The following SEPTIN7 variants were observed in gnomAD, a reference collection of about 807,000 sequenced individuals.
SEPTIN7 encodes the protein septin-7.
Under a neutral mutation model 63.3 loss-of-function variants are expected in SEPTIN7, and 10 were observed. That is an observed-to-expected ratio of 0.16 (90% CI 0.10 to 0.27). The LOEUF (loss-of-function observed/expected upper bound fraction) is 0.27, where lower values mean the gene tolerates loss of function less well. Among genes scored for constraint, SEPTIN7 ranks in the 10% least tolerant of loss-of-function variants. SEPTIN7 has a pLI of 1.00. For synonymous variants in SEPTIN7, 131 were observed against 165.3 expected (o/e 0.79, Z 1.59); for missense variants, 310 against 521.0 (o/e 0.59, Z 3.94).
At chr7:35,911,505 C>G (rs1412694607), downstream of SEPTIN7, among the ~76,000 whole-genome samples, 1 of 152,168 alleles carries the variant, frequency 6.6e-6, no homozygotes, top group African/African-American at 2.4e-5. Context: ...AGATGCTGCA[C>G]AATGATTCCT....
intron 7 of SEPTIN7, among the ~76,000 whole-genome samples, chr7:35,880,224 T>C (rs1473349098): frequency 2.3e-5 from 1 of 43,908 alleles, no homozygotes; most frequent in East Asian, 6.3e-4. Context: ...TTTTCTTTTC[T>C]TTTTTTTTTT....
intron 4 of SEPTIN7, among the ~76,000 whole-genome samples, chr7:35,869,941 C>T (rs928415281): frequency 2.0e-5 from 3 of 152,120 alleles, no homozygotes; most frequent in African/African-American, 7.2e-5. Context: ...GTTGATGTGA[C>T]CTGCTTAAGG....
chr7:35,877,479 T>G (rs563722084), intron 6 of SEPTIN7, among the ~76,000 whole-genome samples: 88 of 152,352 alleles, frequency 5.8e-4, no homozygotes, highest in African/African-American at 1.9e-3. Flanking sequence ...TTCTTTATTT[T>G]AAAATGTCAG....
intron 3 of SEPTIN7, among the ~76,000 whole-genome samples, chr7:35,854,956 A>G (rs2116084670): frequency 6.6e-6 from 1 of 152,258 alleles, no homozygotes; most frequent in Middle Eastern, 3.4e-3. Context: ...AGAAAAGCTT[A>G]TAAAATATAC....
intron 8 of SEPTIN7, among the ~76,000 whole-genome samples, 169 bp from the exon 9 acceptor site, chr7:35,883,722 T>A (rs1381223337): frequency 2.6e-5 from 4 of 152,072 alleles, no homozygotes; most frequent in African/African-American, 9.7e-5. Flanking sequence ...TACCATGTGA[T>A]GGCAGTTTAC....
At chr7:35,844,696 G>T (rs1223382144) in intron 3 of SEPTIN7, among the ~76,000 whole-genome samples, 1 of 152,038 alleles carries the variant, frequency 6.6e-6, no homozygotes, top group African/African-American at 2.4e-5. Context: ...GTTCCCCTGG[G>T]TTCAAGCAGT....
chr7:35,809,207 A>G (rs889080080), intron 1 of SEPTIN7, among the ~76,000 whole-genome samples: 1 of 152,220 alleles, frequency 6.6e-6, no homozygotes, highest in African/African-American at 2.4e-5. Flanking sequence ...AAATAGAGGC[A>G]TGGTGATTAA....
chr7:35,862,458 T>A (rs1204795260), intron 3 of SEPTIN7, among the ~76,000 whole-genome samples: 1 of 152,202 alleles, frequency 6.6e-6, no homozygotes, highest in Non-Finnish European at 1.5e-5. Context: ...TCTGATAACA[T>A]CCAAATGCTT....
intron 2 of SEPTIN7, 80 bp from the exon 3 acceptor site, chr7:35,832,718 G>T: frequency 1.2e-6 from 1 of 811,832 alleles, no homozygotes. Context: ...TTCTAAAATA[G>T]GTTAATGAAG....
intron 1 of SEPTIN7, among the ~76,000 whole-genome samples, chr7:35,809,450 T>G (rs1223760078): frequency 6.6e-6 from 1 of 152,240 alleles, no homozygotes; most frequent in Non-Finnish European, 1.5e-5. Flanking sequence ...GCAGTTGACT[T>G]TATGTTCTGC....
chr7:35,815,994 C>A (rs1284310017), intron 1 of SEPTIN7, among the ~76,000 whole-genome samples: 1 of 151,936 alleles, frequency 6.6e-6, no homozygotes, highest in African/African-American at 2.4e-5. Flanking sequence ...TTTTTTTGCG[C>A]ATATGAGAAG....
At chr7:35,877,301 C>A (rs1228107971) in intron 6 of SEPTIN7, among the ~76,000 whole-genome samples, 1 of 152,098 alleles carries the variant, frequency 6.6e-6, no homozygotes, top group Non-Finnish European at 1.5e-5. Context: ...AGGCAGCTAT[C>A]TTAATTCTCC....
chr7:35,818,377 C>G (rs1320430514), intron 1 of SEPTIN7, among the ~76,000 whole-genome samples: 1 of 151,800 alleles, frequency 6.6e-6, no homozygotes, highest in Non-Finnish European at 1.5e-5. Context: ...TTTGCTAGTA[C>G]TTTGTTGATG....
chr7:35,826,557 T>A (rs952383478), intron 1 of SEPTIN7, among the ~76,000 whole-genome samples: 1 of 151,916 alleles, frequency 6.6e-6, no homozygotes, highest in Non-Finnish European at 1.5e-5. Context: ...TAAGGTAATT[T>A]GAGGTGCGCA....
intron 3 of SEPTIN7, among the ~76,000 whole-genome samples, chr7:35,853,189 T>A (rs1373427367): frequency 6.6e-6 from 1 of 152,184 alleles, no homozygotes; most frequent in East Asian, 1.9e-4. Context: ...CCCAGCCCTT[T>A]GGGAGGCCGA....
At chr7:35,908,187 T>C (rs1388859289), downstream of SEPTIN7, among the ~76,000 whole-genome samples, 1 of 152,230 alleles carries the variant, frequency 6.6e-6, no homozygotes, top group Non-Finnish European at 1.5e-5. Context: ...TCTCTCATCT[T>C]TAATGAAAAC....
rs145479779 is a variant in SEPTIN7, at chr7:35,887,862, A to T, written c.872+1983A>T. ...TCTTTAAGACAAAGCCATCTAGTGG[A>T]TATTTAATAAATACTTGAAGGAAGG... On this transcript the variant is annotated intron_variant, in intron 10 of 13. Coordinates refer to ENST00000350320, the MANE Select transcript of SEPTIN7 (RefSeq NM_001788.6). Among the ~76,000 whole-genome samples the T allele has an allele frequency of 5.9e-3, 898 of 152,378 alleles. 4 individuals carry two copies. Among genetic ancestry groups the T allele is most frequent in the Non-Finnish European group, 8.4e-3 (572 of 68,040 alleles).
intron 1 of SEPTIN7, among the ~76,000 whole-genome samples, chr7:35,816,252 G>A (rs1207442765): frequency 1.3e-5 from 2 of 151,988 alleles, no homozygotes; most frequent in Non-Finnish European, 2.9e-5. Flanking sequence ...CTCTTCCCTT[G>A]TCCTGGCAAC....
intron 12 of SEPTIN7, 198 bp downstream of exon 12, chr7:35,898,581 C>A: frequency 2.1e-6 from 1 of 471,536 alleles, no homozygotes; most frequent in South Asian, 4.5e-5. Context: ...TATGCAAGTG[C>A]TTGGACGTAG....
Sources: allele counts gnomAD v4.1 joint callset (sites outside exome capture counted in the v4.1 genomes callset), GRCh38; gene constraint gnomAD v4.1.1; transcripts MANE v1.5; gene names NCBI Gene and HGNC (gene_info 2026-07-23, HGNC 2026-07-21).